Variants in GPHN observed in about 807,000 individuals in gnomAD.
GPHN encodes gephyrin.
A neutral mutation model predicts 95.5 loss-of-function variants in GPHN; 17 were observed. The observed-to-expected ratio is 0.18, with a 90% CI of 0.12 to 0.27. GPHN has a LOEUF of 0.27. GPHN is among the 10% of genes least tolerant of loss of function. GPHN has a pLI of 1.00. For missense variants in GPHN, 660 were observed against 978.1 expected (o/e 0.67, Z 4.34); for synonymous variants, 320 against 322.5 (o/e 0.99, Z 0.08).
At chr14:67,384,196 A>C in the GPHN span, 1 of 152,264 alleles carries the variant, frequency 6.6e-6, no homozygotes, top group African/African-American at 2.4e-5. Flanking sequence ...TTGAGTTTAT[A>C]ATTCAGGGTG....
chr14:67,011,834 T>TTATATATA (rs375784376), intron 9 of GPHN, among the ~76,000 whole-genome samples: 15 of 148,074 alleles, frequency 1.0e-4, no homozygotes, highest in Admixed American at 6.7e-5. Context: ...TACACAGATT[T>TTATATATA]TATATATATA....
At chr14:67,358,756 T>C in the GPHN span, among the ~76,000 whole-genome samples, 2 of 152,200 alleles carry the variant, frequency 1.3e-5, no homozygotes, top group African/African-American at 2.4e-5. Flanking sequence ...AGGGAGCAAG[T>C]TGTTAGGCAC....
chr14:66,708,346 A>G (rs1184220570), intron 2 of GPHN, among the ~76,000 whole-genome samples: 3 of 152,206 alleles, frequency 2.0e-5, no homozygotes, highest in African/African-American at 7.2e-5. Flanking sequence ...CTCATAAGGT[A>G]TTCAATCTCC....
chr14:67,587,151 C>T, the GPHN span: 13 of 1,613,958 alleles, frequency 8.1e-6, no homozygotes, highest in East Asian at 1.3e-4. Context: ...CCAACCCACC[C>T]GGAGCCTGCC....
At chr14:67,262,355 T>G in the GPHN span, among the ~76,000 whole-genome samples, 2 of 152,120 alleles carry the variant, frequency 1.3e-5, no homozygotes. Flanking sequence ...CCAATTCTTA[T>G]CCCTATCCCC....
At chr14:67,360,546 A>C in the GPHN span, 1 of 241,630 alleles carries the variant, frequency 4.1e-6, no homozygotes, top group African/African-American at 2.2e-5. Flanking sequence ...GCCCCGGGCT[A>C]ATACCTCCCT....
At chr14:67,697,256 C>T in the GPHN span, among the ~76,000 whole-genome samples, 256 of 152,288 alleles carry the variant, frequency 1.7e-3, 2 homozygotes, top group African/African-American at 5.2e-3. Context: ...TTAGAGAAAG[C>T]TCTGGGAGCT....
At chr14:66,683,208 C>G (rs2067049082) in intron 2 of GPHN, among the ~76,000 whole-genome samples, 1 of 149,468 alleles carries the variant, frequency 6.7e-6, no homozygotes, top group Non-Finnish European at 1.5e-5. Context: ...GCTTGGCTTT[C>G]TAAGGAATTT....
the GPHN span, among the ~76,000 whole-genome samples, chr14:67,300,864 A>G: frequency 6.6e-6 from 1 of 151,764 alleles, no homozygotes; most frequent in Non-Finnish European, 1.5e-5. Flanking sequence ...ATATAAAAAA[A>G]TTTATAAAAT....
chr14:66,962,687 T>C (rs984922362), intron 8 of GPHN, among the ~76,000 whole-genome samples: 5 of 151,908 alleles, frequency 3.3e-5, no homozygotes, highest in African/African-American at 1.2e-4. Flanking sequence ...ATTTCTTTAA[T>C]AACTGGATGT....
intron 11 of GPHN, among the ~76,000 whole-genome samples, chr14:67,083,960 A>G (rs2076790517): frequency 1.3e-5 from 2 of 152,170 alleles, no homozygotes; most frequent in African/African-American, 4.8e-5. Flanking sequence ...ATAATCATTA[A>G]TGCACTCATT....
the GPHN span, among the ~76,000 whole-genome samples, chr14:67,366,224 G>C: frequency 2.0e-5 from 3 of 152,006 alleles, no homozygotes; most frequent in Non-Finnish European, 4.4e-5. Context: ...GGAACTACAG[G>C]CATGTGCCAC....
rs567444571 is a variant in GPHN, at chr14:67,157,739, A to G, written c.1837-1676A>G. Among the ~76,000 whole-genome samples, 10 of 152,058 alleles carry G rather than the reference A, an allele frequency of 6.6e-5. No individual in the cohort carries two copies. The East Asian group carries it at 1.6e-3, about 24-fold the overall frequency. On this transcript the variant is annotated intron_variant, in intron 18 of 22. Transcript: ENST00000478722. ...GCTACTTGGGAGGCTGAGGGACAAG[A>G]ATTGCCTGAACCCAGGAGGCGAAGG...
intron 2 of GPHN, among the ~76,000 whole-genome samples, chr14:66,691,990 G>A (rs992036822): frequency 1.3e-5 from 2 of 151,978 alleles, no homozygotes; most frequent in East Asian, 1.9e-4. Flanking sequence ...AATCAAATTC[G>A]GATTTGTCCA....
chr14:67,636,303 A>G, the GPHN span, among the ~76,000 whole-genome samples: 6 of 152,128 alleles, frequency 3.9e-5, no homozygotes, highest in Non-Finnish European at 7.4e-5. Flanking sequence ...AACCTTACTC[A>G]TCATGTAATC....
the GPHN span, chr14:67,392,204 G>C: frequency 1.4e-6 from 1 of 712,686 alleles, no homozygotes; most frequent in Non-Finnish European, 2.5e-6. Flanking sequence ...TCTTGCTTTC[G>C]TAGATTTTGC....
chr14:67,091,237 A>G (rs1183388607), intron 12 of GPHN, among the ~76,000 whole-genome samples: 2 of 152,056 alleles, frequency 1.3e-5, no homozygotes, highest in African/African-American at 4.8e-5. Context: ...TGAAATTGGC[A>G]AAGCCAAAAC....
At chr14:66,767,446 A>G (rs1338705767) in intron 2 of GPHN, among the ~76,000 whole-genome samples, 1 of 150,292 alleles carries the variant, frequency 6.7e-6, no homozygotes, top group East Asian at 2.0e-4. Context: ...GAACAGAAAA[A>G]AAAAAAAAAA....
chr14:67,144,264 T>A (rs202091792), intron 18 of GPHN, among the ~76,000 whole-genome samples: 2 of 83,134 alleles, frequency 2.4e-5, no homozygotes, highest in African/African-American at 7.5e-5. Flanking sequence ...TATATATATA[T>A]ATATATATAT....
Sources: gnomAD v4.1 joint callset for allele counts (sites outside exome capture counted in the v4.1 genomes callset) on GRCh38, gnomAD v4.1.1 for gene constraint, MANE v1.5 for transcripts, NCBI Gene and HGNC (gene_info 2026-07-23, HGNC 2026-07-21) for gene names.